CDH8: variants seen among roughly 807,000 people sequenced by gnomAD.
The protein encoded by CDH8 is cadherin 8.
Under a neutral mutation model 68.1 loss-of-function variants are expected in CDH8, and 17 were observed. The ratio of observed to expected loss-of-function variants is 0.25; its 90% confidence interval spans 0.17 to 0.37. CDH8 has a LOEUF of 0.37. Ranked by LOEUF, CDH8 falls within the 10% of genes least tolerant of loss-of-function variation. The pLI, the probability that CDH8 is intolerant of heterozygous loss-of-function variation, is 1.00. For synonymous variants in CDH8, 372 were observed against 365.1 expected, an observed-to-expected ratio of 1.02 and a Z score of -0.21; for missense variants, 763 against 999.3, an observed-to-expected ratio of 0.76 and a Z score of 3.19.
intron 2 of CDH8, among the ~76,000 whole-genome samples, chr16:61,975,697 T>C (rs1052901966): frequency 1.3e-5 from 2 of 152,186 alleles, no homozygotes; most frequent in Non-Finnish European, 2.9e-5. Context: ...GTTTATTGGT[T>C]CAGTGTTCAA....
intron 8 of CDH8, among the ~76,000 whole-genome samples, chr16:61,753,719 TA>T (rs201449488): frequency 0.022 from 3,352 of 152,196 alleles, 56 homozygotes; most frequent in South Asian, 0.051. Context: ...TTATAGTCGG[TA>T]AAAAAGTACT....
At chr16:61,881,753 G>A (rs1462791133) in intron 3 of CDH8, among the ~76,000 whole-genome samples, 1 of 152,150 alleles carries the variant, frequency 6.6e-6, no homozygotes, top group African/African-American at 2.4e-5. Context: ...CAGTTTCAGA[G>A]AGGTAAATTC....
chr16:61,662,700 T>C (rs1232910234), intron 10 of CDH8, among the ~76,000 whole-genome samples: 2 of 151,922 alleles, frequency 1.3e-5, no homozygotes, highest in Non-Finnish European at 2.9e-5. Flanking sequence ...ATATAGTAAC[T>C]ATATTGCATT....
At chr16:61,701,041 T>C (rs749208457) in intron 10 of CDH8, among the ~76,000 whole-genome samples, 4 of 152,164 alleles carry the variant, frequency 2.6e-5, no homozygotes, top group African/African-American at 9.7e-5. Flanking sequence ...TTTAAAATAC[T>C]AATAAAAGAA....
At chr16:61,938,991 C>T (rs756785951) in intron 2 of CDH8, among the ~76,000 whole-genome samples, 7 of 152,108 alleles carry the variant, frequency 4.6e-5, no homozygotes, top group Non-Finnish European at 7.4e-5. Context: ...AGTATAAACA[C>T]GTCCGTCACT....
Position 61,972,574 on chromosome 16 carries a change from GTGTGT to G in CDH8, c.252+48573_252+48577del, listed in dbSNP as rs1567551782. Among the ~76,000 whole-genome samples the G allele has an allele frequency of 5.0e-3, 538 of 107,300 alleles. 2 individuals carry two copies. Among genetic ancestry groups the G allele is most frequent in the Non-Finnish European group, 5.5e-3 (324 of 58,600 alleles). 70.4% of individuals were successfully genotyped at this position (107,300 alleles called of 152,430 possible). On this transcript the variant is annotated intron_variant, in intron 2 of 11. Coordinates refer to ENST00000577390, the MANE Select transcript of CDH8 (RefSeq NM_001796.5). Reference sequence around the variant, plus strand: ...TTTTTTCTGGGAACACATTGTGGGTGTGTGTGTGTGTGTGTGTGTGTGTGTGTGTG... The same window carrying G: ...TTTTTTCTGGGAACACATTGTGGGTGGTGTGTGTGTGTGTGTGTGTGTGTG...
intron 4 of CDH8, among the ~76,000 whole-genome samples, chr16:61,855,741 T>G (rs1215814105): frequency 6.6e-6 from 1 of 152,054 alleles, no homozygotes; most frequent in Non-Finnish European, 1.5e-5. Flanking sequence ...CAAAACAAAT[T>G]TGACATTAGT....
chr16:61,694,224 C>T (rs1964284874), intron 10 of CDH8, among the ~76,000 whole-genome samples: 2 of 152,294 alleles, frequency 1.3e-5, no homozygotes, highest in South Asian at 2.1e-4. Flanking sequence ...TATTTATAAA[C>T]ACTAACAATG....
chr16:61,749,497 G>T (rs1960105277), intron 8 of CDH8, among the ~76,000 whole-genome samples: 1 of 151,934 alleles, frequency 6.6e-6, no homozygotes, highest in Non-Finnish European at 1.5e-5. Flanking sequence ...ATTAATAGAA[G>T]GTAAATTCCA....
intron 2 of CDH8, among the ~76,000 whole-genome samples, chr16:61,997,619 GA>G (rs891403213): frequency 6.6e-6 from 1 of 152,088 alleles, no homozygotes; most frequent in African/African-American, 2.4e-5. Context: ...TAACAAAAGG[GA>G]AAATAGTAGC....
chr16:61,737,761 C>T (rs1309035677), intron 8 of CDH8, among the ~76,000 whole-genome samples: 1 of 151,990 alleles, frequency 6.6e-6, no homozygotes, highest in African/African-American at 2.4e-5. Context: ...TATGCATTCC[C>T]CTTTCTCTGT....
chr16:61,692,760 C>T (rs1454914407), intron 10 of CDH8: 1 of 151,964 alleles, frequency 6.6e-6, no homozygotes, highest in Non-Finnish European at 1.5e-5. Flanking sequence ...AACTAATCTT[C>T]GGTGAGTAGA....
chr16:61,968,683 T>G (rs1597098321), intron 2 of CDH8, among the ~76,000 whole-genome samples: 1 of 152,224 alleles, frequency 6.6e-6, no homozygotes, highest in African/African-American at 2.4e-5. Context: ...TAAACTCTCA[T>G]TTGCATTGAC....
chr16:61,687,089 G>T (rs1301111277), intron 10 of CDH8, among the ~76,000 whole-genome samples: 2 of 151,790 alleles, frequency 1.3e-5, no homozygotes, highest in Non-Finnish European at 2.9e-5. Context: ...TTTCCTTAAA[G>T]GTTGTGATGG....
chr16:61,870,110 G>T (rs1404280352), intron 3 of CDH8, among the ~76,000 whole-genome samples: 1 of 152,108 alleles, frequency 6.6e-6, no homozygotes, highest in Non-Finnish European at 1.5e-5. Context: ...CTCACAGAGT[G>T]CCTTAAAAAT....
intron 2 of CDH8, among the ~76,000 whole-genome samples, chr16:61,969,804 T>A (rs1965310140): frequency 6.6e-6 from 1 of 152,168 alleles, no homozygotes; most frequent in African/African-American, 2.4e-5. Context: ...AGAGCATCAA[T>A]CAAGCATGAG....
chr16:62,024,657 G>A (rs1902153629), intron 1 of CDH8, among the ~76,000 whole-genome samples: 1 of 152,086 alleles, frequency 6.6e-6, no homozygotes, highest in African/African-American at 2.4e-5. Flanking sequence ...AGGATAAGTA[G>A]GTTAATTAAA....
chr16:61,757,303 T>G (rs1960346174), intron 8 of CDH8, among the ~76,000 whole-genome samples: 1 of 152,108 alleles, frequency 6.6e-6, no homozygotes, highest in South Asian at 2.1e-4. Context: ...AATAAACAAA[T>G]GCTCTCTGCT....
chr16:61,904,665 T>A (rs2143286048), intron 2 of CDH8, among the ~76,000 whole-genome samples: 1 of 152,370 alleles, frequency 6.6e-6, no homozygotes, highest in African/African-American at 2.4e-5. Flanking sequence ...TGATTATGAT[T>A]AGCTACCTTT....
Sources: allele counts gnomAD v4.1 joint callset (sites outside exome capture counted in the v4.1 genomes callset), GRCh38; gene constraint gnomAD v4.1.1; transcripts MANE v1.5; gene names NCBI Gene and HGNC (gene_info 2026-07-23, HGNC 2026-07-21).